Variants in MBD5 observed in about 807,000 individuals in gnomAD.
The protein encoded by MBD5 is methyl-CpG binding domain protein 5.
MBD5 carries 13 observed loss-of-function variants against 117.3 expected under a neutral mutation model. The observed-to-expected ratio is 0.11, with a 90% CI of 0.07 to 0.18. The LOEUF is 0.18. Ranked by LOEUF, MBD5 falls within the 10% of genes least tolerant of loss-of-function variation. MBD5 has a pLI of 1.00. For missense variants in MBD5, 1,879 were observed against 2,093.8 expected (o/e 0.90, Z 2.00); for synonymous variants, 727 against 766.4 (o/e 0.95, Z 0.85).
intron 10 of MBD5, among the ~76,000 whole-genome samples, chr2:148,489,038 A>G (rs982780844): frequency 1.3e-5 from 2 of 152,154 alleles, no homozygotes; most frequent in African/African-American, 4.8e-5. Context: ...TTTGAATCCT[A>G]AATTGCAAAG....
chr2:148,486,096 C>T, intron 10 of MBD5, 146 bp downstream of exon 10: 2 of 775,352 alleles, frequency 2.6e-6, no homozygotes, highest in East Asian at 2.6e-5. Context: ...TATTGTTAAA[C>T]ATTCCAGTCT....
intron 1 of MBD5, among the ~76,000 whole-genome samples, chr2:148,079,794 T>C (rs1573991275): frequency 6.6e-6 from 1 of 151,034 alleles, no homozygotes; most frequent in Non-Finnish European, 1.5e-5. Flanking sequence ...GAGGCGGAGG[T>C]TGCAGTGAGC....
intron 1 of MBD5, chr2:148,054,170 G>A (rs2105781074): frequency 6.6e-6 from 1 of 152,282 alleles, no homozygotes; most frequent in East Asian, 1.9e-4. Context: ...GCCTCCCAAA[G>A]TGCTGGGATT....
chr2:148,277,171 A>G (rs1397012699), intron 3 of MBD5, among the ~76,000 whole-genome samples: 1 of 152,182 alleles, frequency 6.6e-6, no homozygotes, highest in East Asian at 1.9e-4. Flanking sequence ...TAAGGCAAGT[A>G]AAGAGCATTT....
At chr2:148,467,524 C>G (rs912891728) in intron 7 of MBD5, among the ~76,000 whole-genome samples, 2 of 151,974 alleles carry the variant, frequency 1.3e-5, no homozygotes, top group Non-Finnish European at 2.9e-5. Flanking sequence ...GCCATACCAC[C>G]CTGAATACAC....
chr2:148,203,897 A>G (rs1194857177), intron 2 of MBD5, among the ~76,000 whole-genome samples: 6 of 152,192 alleles, frequency 3.9e-5, no homozygotes, highest in Non-Finnish European at 4.4e-5. Context: ...GCCCTTTACC[A>G]TGGATAAATT....
intron 13 of MBD5, chr2:148,512,192 T>C (rs1682240896): frequency 6.3e-6 from 1 of 157,600 alleles, no homozygotes; most frequent in South Asian, 1.9e-4. Flanking sequence ...CTAATGCTGC[T>C]CAGCCACTGC....
rs191682079 is a variant in MBD5 at position 148,511,942 on chromosome 2, C to G, written c.5113-928C>G. On this transcript the variant is annotated intron_variant, in intron 13 of 13. Coordinates refer to ENST00000642680, the MANE Select transcript of MBD5 (RefSeq NM_001378120.1). ...CCAACTTGTAGTGGATCCGGAGAGG[C>G]GATTGTACTCATCTCTTCCTAATTC... 4.8e-3 allele frequency among the ~76,000 whole-genome samples: 735 copies of G among 152,220 alleles called. 2 individuals are homozygous for G. Among genetic ancestry groups the G allele is most frequent in the Non-Finnish European group, 6.5e-3 (443 of 68,016 alleles).
At chr2:148,218,135 G>A (rs1250385328) in intron 2 of MBD5, among the ~76,000 whole-genome samples, 2 of 152,138 alleles carry the variant, frequency 1.3e-5, no homozygotes, top group Non-Finnish European at 2.9e-5. Context: ...TGGGACTTAA[G>A]AGTATAAGCC....
At chr2:148,403,248 C>T (rs1459525336) in intron 4 of MBD5, among the ~76,000 whole-genome samples, 3 of 151,586 alleles carry the variant, frequency 2.0e-5, no homozygotes, top group Non-Finnish European at 4.4e-5. Context: ...GGCACAATCT[C>T]AGCTCACTGC....
intron 3 of MBD5, among the ~76,000 whole-genome samples, chr2:148,314,943 G>A (rs1251483290): frequency 1.3e-5 from 2 of 152,022 alleles, no homozygotes; most frequent in Non-Finnish European, 2.9e-5. Context: ...TCACTTGTTT[G>A]TAACAACTAT....
Position 148,514,658 on chromosome 2 carries a change from C to G in MBD5, c.*1717C>G, listed in dbSNP as rs985736825. On this transcript the variant is annotated 3_prime_UTR_variant, in exon 14 of 14. Coordinates refer to ENST00000642680, the MANE Select transcript of MBD5 (RefSeq NM_001378120.1). ...CTCCTACTGCTCCTCTCCCACCCAC[C>G]ACCCAAACTCCTCAGTCCTGTCATG... 6.6e-6 allele frequency: 1 copy of G among 152,340 alleles called. No homozygotes were observed. The highest frequency in any genetic ancestry group is 1.5e-5 in the Non-Finnish European group (1 of 68,096). The allele number at this position is 152,340 out of a possible 1,614,324, so 9.4% of individuals were successfully genotyped here.
At chr2:148,138,469 C>T (rs564395333) in intron 1 of MBD5, among the ~76,000 whole-genome samples, 2 of 152,304 alleles carry the variant, frequency 1.3e-5, no homozygotes, top group South Asian at 2.1e-4. Context: ...AAAGAGAATG[C>T]ACACATAACT....
intron 1 of MBD5, among the ~76,000 whole-genome samples, chr2:148,041,749 G>A (rs142602886): frequency 4.0e-4 from 61 of 152,214 alleles, no homozygotes; most frequent in African/African-American, 1.4e-3. Flanking sequence ...GTTCTGCCTT[G>A]GTCTTCACTG....
chr2:148,320,624 G>A (rs1024150767), intron 3 of MBD5, among the ~76,000 whole-genome samples: 1 of 152,150 alleles, frequency 6.6e-6, no homozygotes, highest in African/African-American at 2.4e-5. Flanking sequence ...CCAAAGTGCT[G>A]GGACTATAGG....
At chr2:148,472,927 A>T (rs1254976782) in intron 8 of MBD5, among the ~76,000 whole-genome samples, 1 of 152,148 alleles carries the variant, frequency 6.6e-6, no homozygotes, top group Non-Finnish European at 1.5e-5. Flanking sequence ...GGCTAAAAAA[A>T]CTTAAGTAAC....
intron 8 of MBD5, 118 bp from the exon 9 acceptor site, chr2:148,482,992 A>C: frequency 9.0e-7 from 1 of 1,115,114 alleles, no homozygotes; most frequent in Non-Finnish European, 1.3e-6. Context: ...AGTTACAATC[A>C]ATGAAGGTGC....
intron 3 of MBD5, among the ~76,000 whole-genome samples, chr2:148,248,112 A>C (rs1558990140): frequency 6.6e-6 from 1 of 152,140 alleles, no homozygotes; most frequent in Non-Finnish European, 1.5e-5. Context: ...AAAGAGTAAC[A>C]AGAGACTGTC....
chr2:148,128,856 TG>T (rs896234260), intron 1 of MBD5, among the ~76,000 whole-genome samples: 1 of 152,242 alleles, frequency 6.6e-6, no homozygotes, highest in Non-Finnish European at 1.5e-5. Flanking sequence ...CTGGATTTCA[TG>T]TGCATAAAAT....
Sources: allele counts gnomAD v4.1 joint callset (sites outside exome capture counted in the v4.1 genomes callset), GRCh38; gene constraint gnomAD v4.1.1; transcripts MANE v1.5; gene names NCBI Gene and HGNC (gene_info 2026-07-23, HGNC 2026-07-21).